NBPF15: variants seen among roughly 807,000 people sequenced by gnomAD.
The protein encoded by NBPF15 is NBPF family member NBPF15.
In NBPF15, 74 loss-of-function variants were observed where a neutral mutation model predicts 62.2. The ratio of observed to expected loss-of-function variants is 1.19; its 90% confidence interval spans 0.99 to 1.44. NBPF15 has a LOEUF of 1.44. Ranked by LOEUF, NBPF15 falls within the 40% of genes most tolerant of loss-of-function variation. The pLI is 0.00. For synonymous variants in NBPF15, 244 were observed against 209.7 expected, an observed-to-expected ratio of 1.16 and a Z score of -1.41; for missense variants, 790 against 550.0, an observed-to-expected ratio of 1.44 and a Z score of -4.36.
intron 4 of NBPF15, among the ~76,000 whole-genome samples, chr1:144,453,638 C>CAAAAAAAAAA (rs200525708): frequency 5.2e-4 from 19 of 36,370 alleles, no homozygotes; most frequent in South Asian, 8.9e-4. Context: ...CAACACAAAG[C>CAAAAAAAAAA]AAAAAAAAAA....
chr1:144,423,954 C>A lies in NBPF15; in HGVS notation c.1685G>T (p.Gly562Val), dbSNP rs1667643444. The change falls in exon 21 of 22, where the codon GGG becomes GTG. Residue 562 changes from glycine (G) to valine (V), a missense_variant. By Grantham distance (109) the Gly-to-Val change is moderately radical (BLOSUM62 -3). Coordinates refer to ENST00000581897, the MANE Select transcript of NBPF15 (RefSeq NM_001385408.1). ...DVGEIEKKGK[G>V]KKRRGRRSKK... ...TGATCTTCTTCCCCTTCTTTTCTTCCCCTTCCCCTTCTTTTCAATTTCTGC... is the reference window on the plus strand; with the variant it reads ...TGATCTTCTTCCCCTTCTTTTCTTCACCTTCCCCTTCTTTTCAATTTCTGC... The A allele has an allele frequency of 3.9e-6, 3 of 771,158 alleles. No individual in the cohort carries two copies. Among genetic ancestry groups the A allele is most frequent in the Non-Finnish European group, 7.1e-6 (3 of 423,840 alleles). 47.8% of individuals were successfully genotyped at this position (771,158 alleles called of 1,614,324 possible).
chr1:144,426,151 A>T lies in NBPF15; in HGVS notation c.1438+127T>A, dbSNP rs1190106988. On this transcript the variant is annotated intron_variant, in intron 18 of 21. Coordinates refer to ENST00000581897, the MANE Select transcript of NBPF15 (RefSeq NM_001385408.1). ...AGACTACAGTTTCATTACAACCTTT[A>T]TGCGCCCATAGGTCCTGCCTGCGGC... The T allele has an allele frequency of 7.9e-5, 52 of 659,446 alleles. No individual in the cohort carries two copies. In the Admixed American group the frequency reaches 1.2e-3, roughly 15 times the overall value. The allele number at this position is 659,446 out of a possible 1,614,324, so 40.8% of individuals were successfully genotyped here.
At chr1:144,434,980 C>A (rs1216167192) in intron 12 of NBPF15, 131 bp downstream of exon 12, 4 of 1,540,270 alleles carry the variant, frequency 2.6e-6, no homozygotes, top group South Asian at 2.3e-5. Context: ...GACAAAAAAA[C>A]TCCCTGATAT....
In NBPF15 at chr1:144,438,990, A is replaced by T. The variant is rs587774070; in HGVS notation, c.175+839T>A. ...ATTCTTATTTTTATTTATCATTATT[A>T]TTATTATTTTTTTTTAACAGTCTTG... On this transcript the variant is annotated intron_variant, in intron 8 of 21. Transcript: ENST00000581897. Among the ~76,000 whole-genome samples the T allele has an allele frequency of 5.3e-3, 809 of 151,258 alleles. 10 individuals carry two copies. Among genetic ancestry groups the T allele is most frequent in the Non-Finnish European group, 5.9e-3 (402 of 67,868 alleles).
chr1:144,458,177 G>C (rs1553547545), intron 3 of NBPF15, among the ~76,000 whole-genome samples: 1 of 151,954 alleles, frequency 6.6e-6, no homozygotes, highest in Non-Finnish European at 1.5e-5. Flanking sequence ...CCTTTAAATG[G>C]CTTAACGCTT....
At chr1:144,428,151 G>T (rs1427780225) in intron 15 of NBPF15, among the ~76,000 whole-genome samples, 161 bp from the exon 16 acceptor site, 1 of 150,346 alleles carries the variant, frequency 6.7e-6, no homozygotes, top group East Asian at 1.9e-4. Flanking sequence ...ATAGACTAGG[G>T]CCAGGTAGAA....
In NBPF15 at chr1:144,432,356, G is replaced by A. The variant is rs1338402861; in HGVS notation, c.824+1417C>T. On this transcript the variant is annotated intron_variant, in intron 13 of 21. Transcript: ENST00000581897. ...CCGGTACCAGCCACTACAAAAACAT[G>A]CCAAACTGTAAAGACCATTGACGCT... is the stretch of plus-strand genomic sequence containing the variant. Among the ~76,000 whole-genome samples, 95 of 151,980 alleles carry A rather than the reference G, an allele frequency of 6.3e-4. 2 individuals are homozygous for A. Among genetic ancestry groups the A allele is most frequent in the Admixed American group, 1.6e-3 (24 of 15,262 alleles).
intron 8 of NBPF15, among the ~76,000 whole-genome samples, chr1:144,439,540 A>C (rs1246927930): frequency 6.6e-6 from 1 of 152,074 alleles, no homozygotes; most frequent in Non-Finnish European, 1.5e-5. Flanking sequence ...ATTCTTGAAA[A>C]CATGATTGAG....
At chr1:144,455,689 T>A (rs373152303) in intron 4 of NBPF15, among the ~76,000 whole-genome samples, 2 of 151,970 alleles carry the variant, frequency 1.3e-5, no homozygotes, top group South Asian at 2.1e-4. Context: ...CTTCCCTCCT[T>A]GCACTGGCTC....
chr1:144,428,087 A>T, intron 15 of NBPF15, 97 bp from the exon 16 acceptor site: 1 of 744,290 alleles, frequency 1.3e-6, no homozygotes. Flanking sequence ...AGAGTTTGAA[A>T]AGAAAAAGGA....
Position 144,435,257 on chromosome 1 carries a change from A to G in NBPF15, c.626T>C (p.Ile209Thr), listed in dbSNP as rs1677344546. Residue 209 changes from isoleucine (I) to threonine (T), a missense_variant, in exon 12 of 22, where the codon ATC becomes ACC. By Grantham distance (89) the Ile-to-Thr change is moderately conservative. Coordinates refer to ENST00000581897, the MANE Select transcript of NBPF15 (RefSeq NM_001385408.1). ...AGGGCCATGGCTATTTGAACAAGTG[A>G]TGGCACATTCCTCCAGTGAGTCCTC... ...VPEDSLEECAITCSNSHGPYD... is the reference protein window; with the variant it reads ...VPEDSLEECATTCSNSHGPYD... The G allele has an allele frequency of 6.2e-7, 1 of 1,612,526 alleles. No homozygotes were observed. Among genetic ancestry groups the G allele is most frequent in the African/African-American group, 1.3e-5 (1 of 74,810 alleles).
At chr1:144,448,138 A>C (rs1265208095) in intron 6 of NBPF15, among the ~76,000 whole-genome samples, 21 of 151,964 alleles carry the variant, frequency 1.4e-4, no homozygotes, top group Non-Finnish European at 2.8e-4. Flanking sequence ...AACAATCTCC[A>C]ATGAATTGTG....
rs1690618374 is a variant in NBPF15 at position 144,450,842 on chromosome 1, G to A, written c.-403C>T. On this transcript the variant is annotated 5_prime_UTR_variant, in exon 5 of 22. Coordinates refer to ENST00000581897, the MANE Select transcript of NBPF15 (RefSeq NM_001385408.1). The stretch of plus-strand genomic sequence containing the variant: ...GAGGGGTATTTCAGGCACTTGAGTA[G>A]TGTGGCTTTACTGTTATCAATCACA... 2.1e-6 allele frequency: 2 copies of A among 940,418 alleles called. No homozygotes were observed. The highest frequency in any genetic ancestry group is 1.3e-6 in the Non-Finnish European group (1 of 789,756). The allele number at this position is 940,418 out of a possible 1,614,324, so 58.3% of individuals were successfully genotyped here.
Position 144,423,828 on chromosome 1 carries a change from G to T in NBPF15, c.1769+42C>A, listed in dbSNP as rs1490245212. On this transcript the variant is annotated intron_variant, in intron 21 of 21. Coordinates refer to ENST00000581897, the MANE Select transcript of NBPF15 (RefSeq NM_001385408.1). The stretch of plus-strand genomic sequence containing the variant: ...GTTTCCCTGAATCTGTTGCCTCCAG[G>T]TGTTAACACAGAATTAAGCATCCAC... 8 of 762,076 alleles carry T rather than the reference G, an allele frequency of 1.0e-5. No homozygotes were observed. In the East Asian group the frequency reaches 1.9e-4, roughly 18 times the overall value. 47.2% of individuals were successfully genotyped at this position (762,076 alleles called of 1,614,324 possible).
chr1:144,430,482 CCTGA>C (rs1673363209), intron 13 of NBPF15, among the ~76,000 whole-genome samples: 1 of 146,388 alleles, frequency 6.8e-6, no homozygotes. Flanking sequence ...AGCTGAGGGA[CCTGA>C]CTGTTAGAAG....
At chr1:144,437,848 C>G (rs1210948335) in intron 9 of NBPF15, 97 bp downstream of exon 9, 2 of 1,588,058 alleles carry the variant, frequency 1.3e-6, no homozygotes, top group African/African-American at 2.7e-5. Flanking sequence ...CTGCCCTTCC[C>G]CTGGCCCAGC....
Position 144,432,025 on chromosome 1 carries a change from G to T in NBPF15, c.824+1748C>A, listed in dbSNP as rs1478578353. Among the ~76,000 whole-genome samples the T allele has an allele frequency of 6.6e-5, 10 of 151,816 alleles. 1 individual carries two copies. Among genetic ancestry groups the T allele is most frequent in the Non-Finnish European group, 1.3e-4 (9 of 67,942 alleles). ...ACACACCCAGTAATGGGATGGCTGG[G>T]TCAAATAGTATTTCTAGTTCTAGAT... On this transcript the variant is annotated intron_variant, in intron 13 of 21. Coordinates refer to ENST00000581897, the MANE Select transcript of NBPF15 (RefSeq NM_001385408.1).
chr1:144,442,320 T>C (rs1254853405), intron 6 of NBPF15, among the ~76,000 whole-genome samples: 2 of 132,346 alleles, frequency 1.5e-5, no homozygotes, highest in Admixed American at 7.9e-5. Flanking sequence ...GTATATATTA[T>C]ATATATATAC....
chr1:144,451,528 G>A lies in NBPF15; in HGVS notation c.-431-658C>T, dbSNP rs587676951. On this transcript the variant is annotated intron_variant, in intron 4 of 21. Coordinates refer to ENST00000581897, the MANE Select transcript of NBPF15 (RefSeq NM_001385408.1). ...AGACTATCACATGGGGAGAAACCTT[G>A]GACAATACCTGGCTTTCCTAGGCAG... 3.0e-4 allele frequency among the ~76,000 whole-genome samples: 45 copies of A among 152,042 alleles called. 2 individuals carry two copies. Among genetic ancestry groups the A allele is most frequent in the African/African-American group, 1.1e-3 (44 of 41,468 alleles).
Sources: allele counts gnomAD v4.1 joint callset (sites outside exome capture counted in the v4.1 genomes callset), GRCh38; gene constraint gnomAD v4.1.1; transcripts MANE v1.5; gene names NCBI Gene and HGNC (gene_info 2026-07-23, HGNC 2026-07-21).